MAGI1: variants seen among roughly 807,000 people sequenced by gnomAD.
MAGI1 encodes membrane-associated guanylate kinase, WW and PDZ domain-containing protein 1.
A neutral mutation model predicts 139.9 loss-of-function variants in MAGI1; 58 were observed. The observed-to-expected ratio is 0.41, with a 90% confidence interval of 0.34 to 0.52. MAGI1 has a LOEUF of 0.52. Ranked by LOEUF, MAGI1 falls within the 20% of genes least tolerant of loss-of-function variation. The pLI is 0.12. For missense variants in MAGI1, 1,874 were observed against 1,901.6 expected, an observed-to-expected ratio of 0.99 and a Z score of 0.27; for synonymous variants, 812 against 737.9, an observed-to-expected ratio of 1.10 and a Z score of -1.63.
intron 1 of MAGI1, among the ~76,000 whole-genome samples, chr3:66,000,386 T>C (rs4688628): frequency 0.78 from 118,334 of 151,878 alleles, 46,522 homozygotes; most frequent in East Asian, 0.96. Flanking sequence ...TGTTTTAATC[T>C]CTATTTCTCC....
intron 1 of MAGI1, among the ~76,000 whole-genome samples, chr3:65,676,946 C>T (rs2087232156): frequency 6.6e-6 from 1 of 152,164 alleles, no homozygotes; most frequent in Non-Finnish European, 1.5e-5. Context: ...AGGGATTTTA[C>T]CAGATGTACT....
chr3:65,928,179 C>T (rs1396094845), intron 1 of MAGI1, among the ~76,000 whole-genome samples: 1 of 152,156 alleles, frequency 6.6e-6, no homozygotes, highest in South Asian at 2.1e-4. Flanking sequence ...ATGACTGATA[C>T]ATATTAACAC....
chr3:65,413,971 A>G (rs1188705682), intron 12 of MAGI1, among the ~76,000 whole-genome samples: 1 of 152,216 alleles, frequency 6.6e-6, no homozygotes, highest in African/African-American at 2.4e-5. Flanking sequence ...AACGAAATAC[A>G]TGCTGACCCA....
intron 2 of MAGI1, among the ~76,000 whole-genome samples, chr3:65,534,543 A>T (rs1009372105): frequency 9.9e-5 from 15 of 152,236 alleles, no homozygotes; most frequent in Admixed American, 2.0e-4. Flanking sequence ...TCAGAGTTTG[A>T]AACTAGCCCA....
chr3:65,506,955 C>T (rs144706730), intron 2 of MAGI1, among the ~76,000 whole-genome samples: 19 of 152,276 alleles, frequency 1.2e-4, no homozygotes, highest in African/African-American at 3.6e-4. Context: ...AGTTCTGAAG[C>T]CTTCTCAAGT....
intron 1 of MAGI1, among the ~76,000 whole-genome samples, chr3:66,022,001 G>C (rs1186431073): frequency 2.6e-5 from 4 of 152,110 alleles, no homozygotes; most frequent in Non-Finnish European, 5.9e-5. Flanking sequence ...AGGTGCACAG[G>C]ACTGCAAATT....
At chr3:66,018,395 G>C (rs2067782026) in intron 1 of MAGI1, among the ~76,000 whole-genome samples, 1 of 152,176 alleles carries the variant, frequency 6.6e-6, no homozygotes, top group Admixed American at 6.5e-5. Context: ...TTCAGTGCCA[G>C]GAGTTAAACC....
intron 2 of MAGI1, among the ~76,000 whole-genome samples, chr3:65,610,534 C>T (rs1316981916): frequency 2.0e-5 from 3 of 149,938 alleles, no homozygotes; most frequent in Admixed American, 1.3e-4. Context: ...CTTTTTTTTT[C>T]CCAAGTCACT....
intron 1 of MAGI1, among the ~76,000 whole-genome samples, chr3:65,906,378 C>G (rs1352730763): frequency 6.6e-6 from 1 of 152,104 alleles, no homozygotes; most frequent in Non-Finnish European, 1.5e-5. Flanking sequence ...TCTGAAAGGG[C>G]AGCATGTCCA....
At chr3:66,011,571 G>A (rs1242532330) in intron 1 of MAGI1, among the ~76,000 whole-genome samples, 1 of 152,070 alleles carries the variant, frequency 6.6e-6, no homozygotes, top group East Asian at 1.9e-4. Flanking sequence ...AGCCTTCCCA[G>A]AACAGCCGCC....
chr3:65,512,719 C>T (rs1160761289), intron 2 of MAGI1, among the ~76,000 whole-genome samples: 8 of 147,612 alleles, frequency 5.4e-5, no homozygotes, highest in Non-Finnish European at 1.1e-4. Flanking sequence ...CTGAATTCTA[C>T]CAGAGGTACA....
At chr3:65,587,240 A>T (rs1356589759) in intron 2 of MAGI1, among the ~76,000 whole-genome samples, 1 of 152,174 alleles carries the variant, frequency 6.6e-6, no homozygotes, top group Non-Finnish European at 1.5e-5. Context: ...TAACCTACTG[A>T]ACATCATAGC....
chr3:65,857,183 G>A (rs544125764), intron 1 of MAGI1, among the ~76,000 whole-genome samples: 1 of 148,506 alleles, frequency 6.7e-6, no homozygotes, highest in Non-Finnish European at 1.5e-5. Flanking sequence ...GAAGCATTTA[G>A]AACAGGAAAC....
At chr3:66,012,201 T>G (rs2107509485) in intron 1 of MAGI1, among the ~76,000 whole-genome samples, 1 of 152,290 alleles carries the variant, frequency 6.6e-6, no homozygotes, top group South Asian at 2.1e-4. Flanking sequence ...CATACAGGCT[T>G]TAATCTGTCA....
chr3:65,389,391 T>G (rs1943714469), intron 14 of MAGI1, among the ~76,000 whole-genome samples: 1 of 152,164 alleles, frequency 6.6e-6, no homozygotes, highest in Non-Finnish European at 1.5e-5. Context: ...CCCTTCAGAA[T>G]GCAATTCATT....
chr3:65,762,241 T>G (rs1197225654), intron 1 of MAGI1, among the ~76,000 whole-genome samples: 1 of 152,178 alleles, frequency 6.6e-6, no homozygotes, highest in Non-Finnish European at 1.5e-5. Context: ...AAATGCCTCC[T>G]GAAGTGGGTC....
chr3:65,563,126 G>A (rs1163977317), intron 2 of MAGI1, among the ~76,000 whole-genome samples: 1 of 152,128 alleles, frequency 6.6e-6, no homozygotes, highest in Non-Finnish European at 1.5e-5. Context: ...TTAAGCAAGA[G>A]AACTTTATTA....
At chr3:65,427,785 G>T (rs1478184153) in intron 12 of MAGI1, among the ~76,000 whole-genome samples, 1 of 152,178 alleles carries the variant, frequency 6.6e-6, no homozygotes, top group African/African-American at 2.4e-5. Context: ...GTGCAGGTAT[G>T]AAAGTGCTTT....
At chr3:65,545,812 G>A (rs747604059) in intron 2 of MAGI1, among the ~76,000 whole-genome samples, 3 of 151,974 alleles carry the variant, frequency 2.0e-5, no homozygotes, top group African/African-American at 7.3e-5. Context: ...TCAAAAGCTT[G>A]CAGGCACTTA....
Sources: gnomAD v4.1 joint callset for allele counts (sites outside exome capture counted in the v4.1 genomes callset) on GRCh38, gnomAD v4.1.1 for gene constraint, MANE v1.5 for transcripts, NCBI Gene and HGNC (gene_info 2026-07-23, HGNC 2026-07-21) for gene names.